The following DEFB119 variants were observed in gnomAD, a reference collection of about 807,000 sequenced individuals.
The protein encoded by DEFB119 is beta-defensin 119.
In DEFB119, 3 loss-of-function variants were observed where a neutral mutation model predicts 2.5. The ratio of observed to expected loss-of-function variants is 1.19; its 90% confidence interval spans 0.54 to 3.07. The LOEUF (loss-of-function observed/expected upper bound fraction) is 3.07, where lower values mean the gene tolerates loss of function less well. Among genes scored for constraint, DEFB119 ranks in the 30% most tolerant of loss-of-function variants. The pLI, the probability that DEFB119 is intolerant of heterozygous loss-of-function variation, is 0.03. For synonymous variants in DEFB119, 29 were observed against 33.7 expected (o/e 0.86, Z 0.48); for missense variants, 113 against 101.1 (o/e 1.12, Z -0.50).
At position 31,386,117 on chromosome 20, in the gene DEFB119, G is replaced by C. The variant is rs557419542; in HGVS notation, c.61+4306C>G. Among the ~76,000 whole-genome samples, 6 of 150,676 alleles carry C rather than the reference G, an allele frequency of 4.0e-5. No individual in the cohort carries two copies. In the South Asian group the frequency reaches 8.4e-4, roughly 21 times the overall value. On this transcript the variant is annotated intron_variant, in intron 1 of 1. Coordinates refer to ENST00000376321, the MANE Select transcript of DEFB119 (RefSeq NM_153289.4). ...ATGGGAGGTGAAACCGGGTCACCAC[G>C]TGAGGGCTTTGAATGTCTGGACCCC...
Position 31,390,574 on chromosome 20 carries a change from T to C in DEFB119, c.-91A>G. On this transcript the variant is annotated 5_prime_UTR_variant, in exon 1 of 2. Coordinates refer to ENST00000376321, the MANE Select transcript of DEFB119 (RefSeq NM_153289.4). ...ACGGCAGAGATGAGCTTTGCTTTTA[T>C]CAGCAGGGCTGTGGGCAGTGAATTA... The C allele has an allele frequency of 7.9e-7, 1 of 1,270,968 alleles. No individual in the cohort carries two copies. Among genetic ancestry groups the C allele is most frequent in the Non-Finnish European group, 1.1e-6 (1 of 885,362 alleles). The allele number at this position is 1,270,968 out of a possible 1,614,324, so 78.7% of individuals were successfully genotyped here.
At position 31,377,187 on chromosome 20, in the gene DEFB119, AG is replaced by A. The variant is rs1208937653; in HGVS notation, c.*58del. ...GGTAGCAGGCACATGAATTTTAATG[AG>A]GGGGGTTGACAGCAGGTCTCTGTGC... is the stretch of plus-strand genomic sequence containing the variant. On this transcript the variant is annotated 3_prime_UTR_variant, in exon 2 of 2. Coordinates refer to ENST00000376321, the MANE Select transcript of DEFB119 (RefSeq NM_153289.4). 4.0e-6 allele frequency: 6 copies of A among 1,492,374 alleles called. No homozygotes were observed. Among genetic ancestry groups the A allele is most frequent in the East Asian group, 4.6e-5 (2 of 43,298 alleles). 92.4% of individuals were successfully genotyped at this position (1,492,374 alleles called of 1,614,324 possible).
chr20:31,381,340 A>C (rs1275338785), intron 1 of DEFB119, among the ~76,000 whole-genome samples: 1 of 152,082 alleles, frequency 6.6e-6, no homozygotes, highest in African/African-American at 2.4e-5. Flanking sequence ...TTGTTTGTAG[A>C]TTTCTTAGGA....
intron 1 of DEFB119, 114 bp from the exon 2 acceptor site, chr20:31,377,553 C>T: frequency 9.0e-7 from 1 of 1,114,416 alleles, no homozygotes; most frequent in Non-Finnish European, 1.3e-6. Flanking sequence ...ACCTAAAGGA[C>T]AATAGTGACT....
At chr20:31,378,535 A>G (rs1986388470) in intron 1 of DEFB119, 1 of 1,350,430 alleles carries the variant, frequency 7.4e-7, no homozygotes, top group South Asian at 1.4e-5. Context: ...AATGAAAAAA[A>G]AGACAATCAA....
chr20:31,388,305 C>T (rs1382579023), intron 1 of DEFB119: 1 of 985,488 alleles, frequency 1.0e-6, no homozygotes, highest in African/African-American at 1.7e-5. Flanking sequence ...TAGGTGACGA[C>T]ATTTGTTGAG....
At chr20:31,382,451 G>A (rs1307688529) in intron 1 of DEFB119, among the ~76,000 whole-genome samples, 1 of 152,128 alleles carries the variant, frequency 6.6e-6, no homozygotes, top group East Asian at 1.9e-4. Flanking sequence ...GAATTTTGAG[G>A]ATTAGTGGCT....
rs1402774235 is a variant in DEFB119 at position 31,377,230 on chromosome 20, T to C, written c.*16A>G. On this transcript the variant is annotated 3_prime_UTR_variant, in exon 2 of 2. Coordinates refer to ENST00000376321, the MANE Select transcript of DEFB119 (RefSeq NM_153289.4). ...TCTCTGTGCCCAGAGAGCTTGAGAA[T>C]GGTAATCACCAGCACTCAAGGTAGT... 6.3e-7 allele frequency: 1 copy of C among 1,595,104 alleles called. No homozygotes were observed. The highest frequency in any genetic ancestry group is 8.5e-7 in the Non-Finnish European group (1 of 1,170,138).
chr20:31,378,830 A>G (rs1568728046), intron 1 of DEFB119, among the ~76,000 whole-genome samples: 1 of 152,248 alleles, frequency 6.6e-6, no homozygotes, highest in Non-Finnish European at 1.5e-5. Context: ...ATAAAATGAC[A>G]GGAACATTTA....
chr20:31,379,457 T>C (rs1448461425), intron 1 of DEFB119, among the ~76,000 whole-genome samples: 2 of 152,108 alleles, frequency 1.3e-5, no homozygotes, highest in Non-Finnish European at 2.9e-5. Flanking sequence ...TGTCTTTTCA[T>C]ATCTTTTGTC....
rs533813402 is a variant in DEFB119 at position 31,378,839 on chromosome 20, T to C, written c.62-1400A>G. ...TTTTCAATAAAATGACAGGAACATTTAAAAATACAATGGACTAAATAAAGA... is the reference window on the plus strand; with the variant it reads ...TTTTCAATAAAATGACAGGAACATTCAAAAATACAATGGACTAAATAAAGA... On this transcript the variant is annotated intron_variant, in intron 1 of 1. Transcript: ENST00000376321. Among the ~76,000 whole-genome samples the C allele has an allele frequency of 2.0e-5, 3 of 152,298 alleles. No individual in the cohort carries two copies. In the South Asian group the frequency reaches 6.2e-4, roughly 32 times the overall value.
chr20:31,389,450 C>T (rs1223798254), intron 1 of DEFB119, among the ~76,000 whole-genome samples: 1 of 152,078 alleles, frequency 6.6e-6, no homozygotes, highest in South Asian at 2.1e-4. Flanking sequence ...TTGGGAGAGC[C>T]TTTTTTGGAC....
At chr20:31,383,850 A>G (rs1201178509) in intron 1 of DEFB119, among the ~76,000 whole-genome samples, 1 of 152,018 alleles carries the variant, frequency 6.6e-6, no homozygotes, top group Non-Finnish European at 1.5e-5. Context: ...CTCAAAAATA[A>G]ATAAATAAAT....
intron 1 of DEFB119, among the ~76,000 whole-genome samples, chr20:31,382,674 T>C (rs1210626795): frequency 4.6e-5 from 7 of 152,066 alleles, no homozygotes; most frequent in African/African-American, 1.7e-4. Context: ...GAACCTGGAG[T>C]CAGCCTTTTG....
intron 1 of DEFB119, among the ~76,000 whole-genome samples, chr20:31,380,638 G>A (rs766265703): frequency 6.8e-5 from 10 of 147,142 alleles, no homozygotes; most frequent in Non-Finnish European, 7.5e-5. Context: ...TTTTTTTTTC[G>A]CCTGTAGATG....
At chr20:31,388,877 T>G in intron 1 of DEFB119, 2 of 1,419,238 alleles carry the variant, frequency 1.4e-6, no homozygotes, top group Non-Finnish European at 1.9e-6. Flanking sequence ...CCCTAGTGAC[T>G]TCTCTCGACT....
intron 1 of DEFB119, among the ~76,000 whole-genome samples, chr20:31,385,583 A>C (rs1053679899): frequency 1.3e-5 from 2 of 152,126 alleles, no homozygotes; most frequent in African/African-American, 4.8e-5. Context: ...ATAATGACAC[A>C]GGGCTGGGTG....
chr20:31,378,405 G>C, intron 1 of DEFB119: 1 of 1,613,866 alleles, frequency 6.2e-7, no homozygotes, highest in Non-Finnish European at 8.5e-7. Flanking sequence ...TATCAGAGGA[G>C]ACAAGCCAAC....
intron 1 of DEFB119, among the ~76,000 whole-genome samples, chr20:31,388,658 C>T (rs1343676339): frequency 6.6e-6 from 1 of 152,120 alleles, no homozygotes; most frequent in Non-Finnish European, 1.5e-5. Context: ...TATTCAGCCC[C>T]ATCCACTCTC....
Sources: allele counts gnomAD v4.1 joint callset (sites outside exome capture counted in the v4.1 genomes callset), GRCh38; gene constraint gnomAD v4.1.1; transcripts MANE v1.5; gene names NCBI Gene and HGNC (gene_info 2026-07-23, HGNC 2026-07-21).